CDC27: variants seen among roughly 807,000 people sequenced by gnomAD.
CDC27 encodes cell division cycle 27, also known as cell division cycle protein 27 homolog.
Under a neutral mutation model 109.7 loss-of-function variants are expected in CDC27, and 27 were observed. The observed-to-expected ratio is 0.25, with a 90% CI of 0.18 to 0.34. The LOEUF (loss-of-function observed/expected upper bound fraction) is 0.34. CDC27 is among the 10% of genes least tolerant of loss of function. The pLI is 1.00. For synonymous variants in CDC27, 266 were observed against 333.9 expected, an observed-to-expected ratio of 0.80 and a Z score of 2.22; for missense variants, 579 against 960.2, an observed-to-expected ratio of 0.60 and a Z score of 5.25.
At chr17:47,151,700 A>C in intron 9 of CDC27, 106 bp downstream of exon 9, 1 of 811,334 alleles carries the variant, frequency 1.2e-6, no homozygotes, top group Non-Finnish European at 1.8e-6. Flanking sequence ...CAAAATTTAC[A>C]GTAGTTATTC....
At chr17:47,178,492 A>C (rs1487613880) in intron 2 of CDC27, among the ~76,000 whole-genome samples, 2 of 151,258 alleles carry the variant, frequency 1.3e-5, no homozygotes, top group African/African-American at 4.9e-5. Context: ...AAAAGATCAC[A>C]TGACTGCACT....
intron 15 of CDC27, among the ~76,000 whole-genome samples, chr17:47,131,701 T>C (rs372444182): frequency 6.7e-6 from 1 of 148,672 alleles, no homozygotes; most frequent in Non-Finnish European, 1.5e-5. Flanking sequence ...TGGAGTCTCA[T>C]TCTGTTGCCC....
Position 47,118,824 on chromosome 17 carries a change from T to C in CDC27, c.*2111A>G, listed in dbSNP as rs1713494. ...ACCTAAATGACTTTGAAAGTAGGTATGAGGAAAAATAAAATAGGCCAAGCT... is the reference window on the plus strand; with the variant it reads ...ACCTAAATGACTTTGAAAGTAGGTACGAGGAAAAATAAAATAGGCCAAGCT... On this transcript the variant is annotated 3_prime_UTR_variant, in exon 19 of 19. Coordinates refer to ENST00000066544, the MANE Select transcript of CDC27 (RefSeq NM_001256.6). 0.35 allele frequency: 53,900 copies of C among 152,100 alleles called. 10,097 individuals carry two copies. The highest frequency in any genetic ancestry group is 0.43 in the Admixed American group (6,512 of 15,260). 9.4% of individuals were successfully genotyped at this position (152,100 alleles called of 1,614,324 possible).
chr17:47,188,814 G>T lies in CDC27; in HGVS notation c.27+332C>A, dbSNP rs540129859. On this transcript the variant is annotated intron_variant, in intron 1 of 18. Transcript: ENST00000066544. ...TCATCTTTTAGGCAAGAGAGCGCTT[G>T]GGGTGCATTTTCGGCCCCTCATCTC... 3 of 1,231,230 alleles carry T rather than the reference G, an allele frequency of 2.4e-6. No homozygotes were observed. In the South Asian group the frequency reaches 7.1e-5, roughly 29 times the overall value. The allele number at this position is 1,231,230 out of a possible 1,614,324, so 76.3% of individuals were successfully genotyped here.
At chr17:47,174,006 A>C (rs2063900703) in intron 2 of CDC27, among the ~76,000 whole-genome samples, 1 of 152,264 alleles carries the variant, frequency 6.6e-6, no homozygotes, top group South Asian at 2.1e-4. Context: ...AGGCAGGAGA[A>C]TCGCCTGGAC....
intron 1 of CDC27, chr17:47,188,749 C>T: frequency 9.6e-7 from 1 of 1,040,232 alleles, no homozygotes. Context: ...GCCCTACCGT[C>T]ACGAAGATCA....
rs747953129 is a variant in CDC27 at position 47,157,359 on chromosome 17, T to A, written c.501A>T (p.Thr167=). Residue 167 remains threonine (T), a synonymous_variant, in exon 6 of 19, where the codon ACA becomes ACT. Coordinates refer to ENST00000066544, the MANE Select transcript of CDC27 (RefSeq NM_001256.6). ...AGTTCTGTAAAGATGTGAATTTAAATGTTTGGTCAGGATCTGGCTTTTCAC... is the reference window on the plus strand; with the variant it reads ...AGTTCTGTAAAGATGTGAATTTAAAAGTTTGGTCAGGATCTGGCTTTTCAC... ...EIGEKPDPDQ[T]FKFTSLQNFS... 2 of 1,612,470 alleles carry A rather than the reference T, an allele frequency of 1.2e-6. No homozygotes were observed. The highest frequency in any genetic ancestry group is 1.7e-6 in the Non-Finnish European group (2 of 1,179,614).
At chr17:47,147,790 A>C (rs2063016811) in intron 9 of CDC27, among the ~76,000 whole-genome samples, 1 of 151,788 alleles carries the variant, frequency 6.6e-6, no homozygotes, top group Non-Finnish European at 1.5e-5. Context: ...AGTCCCAGCT[A>C]CTCAGGAGGC....
At chr17:47,125,366 C>T (rs2062106177) in intron 16 of CDC27, among the ~76,000 whole-genome samples, 1 of 148,704 alleles carries the variant, frequency 6.7e-6, no homozygotes, top group Non-Finnish European at 1.5e-5. Flanking sequence ...CCTGCCTCAG[C>T]CTCCTGAGCA....
intron 2 of CDC27, among the ~76,000 whole-genome samples, chr17:47,180,945 T>TAAAAAAAA: frequency 9.0e-6 from 1 of 111,666 alleles, no homozygotes; most frequent in African/African-American, 3.5e-5. Context: ...ACTCTTTTCT[T>TAAAAAAAA]AAAAAAAAAA....
intron 14 of CDC27, among the ~76,000 whole-genome samples, chr17:47,133,837 C>A (rs1568376553): frequency 6.6e-6 from 1 of 152,008 alleles, no homozygotes. Context: ...CAACCTCTGC[C>A]TCCTGGGTTC....
chr17:47,189,183 C>G lies in CDC27; in HGVS notation c.-11G>C, dbSNP rs2064578539. ...CTGCAGCACCGTCATCCTCGAGGCT[C>G]AGGCCCACTTTCTGCAGTGCCTCAG... On this transcript the variant is annotated 5_prime_UTR_variant, in exon 1 of 19. It removes the in-frame stop codon of an upstream open reading frame in the 5' UTR. Transcript: ENST00000066544. The G allele has an allele frequency of 1.2e-6, 2 of 1,611,306 alleles. No individual in the cohort carries two copies. Among genetic ancestry groups the G allele is most frequent in the African/African-American group, 1.3e-5 (1 of 74,890 alleles).
intron 17 of CDC27, among the ~76,000 whole-genome samples, chr17:47,123,569 C>A (rs979044350): frequency 2.0e-5 from 3 of 151,876 alleles, no homozygotes; most frequent in African/African-American, 7.3e-5. Context: ...TGTCACCATG[C>A]CCAGCTAATT....
At chr17:47,148,083 A>G (rs2063031044) in intron 9 of CDC27, among the ~76,000 whole-genome samples, 1 of 151,654 alleles carries the variant, frequency 6.6e-6, no homozygotes, top group African/African-American at 2.4e-5. Flanking sequence ...CTGTAATCCC[A>G]GCTACTCAGG....
At chr17:47,151,943 T>A in intron 8 of CDC27, 25 bp from the exon 9 acceptor site, 1 of 1,590,054 alleles carries the variant, frequency 6.3e-7, no homozygotes, top group Non-Finnish European at 8.6e-7. Flanking sequence ...AAGTCTAAGG[T>A]TTGTGAATTA....
At chr17:47,167,583 CAG>C (rs1390878203) in intron 4 of CDC27, among the ~76,000 whole-genome samples, 1 of 152,218 alleles carries the variant, frequency 6.6e-6, no homozygotes, top group Non-Finnish European at 1.5e-5. Flanking sequence ...AATTTTATGA[CAG>C]AACGTTTAAT....
chr17:47,133,742 C>A (rs2062474088), intron 14 of CDC27, among the ~76,000 whole-genome samples: 1 of 151,808 alleles, frequency 6.6e-6, no homozygotes, highest in East Asian at 1.9e-4. Flanking sequence ...CCACACCTGG[C>A]CTACATATAT....
At position 47,141,843 on chromosome 17, in the gene CDC27, C is replaced by A. The variant is rs1400774710; in HGVS notation, c.1551+10G>T. On this transcript the variant is annotated intron_variant, in intron 12 of 18. Coordinates refer to ENST00000066544, the MANE Select transcript of CDC27 (RefSeq NM_001256.6). Reference sequence around the variant, plus strand: ...CTAGAAAGGCATATATAACCATTTTCTATACTTACTTGCATGTACTCTGAA... The same window carrying A: ...CTAGAAAGGCATATATAACCATTTTATATACTTACTTGCATGTACTCTGAA... 6.4e-7 allele frequency: 1 copy of A among 1,551,086 alleles called. No homozygotes were observed. The highest frequency in any genetic ancestry group is 8.7e-7 in the Non-Finnish European group (1 of 1,149,510).
chr17:47,139,420 C>A (rs2098927172), intron 12 of CDC27, among the ~76,000 whole-genome samples: 1 of 152,042 alleles, frequency 6.6e-6, no homozygotes, highest in South Asian at 2.1e-4. Context: ...GCGCCTGCCA[C>A]CACACCTGGC....
Sources: gnomAD v4.1 joint callset for allele counts (sites outside exome capture counted in the v4.1 genomes callset) on GRCh38, gnomAD v4.1.1 for gene constraint, MANE v1.5 for transcripts, NCBI Gene and HGNC (gene_info 2026-07-23, HGNC 2026-07-21) for gene names.